Variants in NEK9 observed in about 807,000 individuals in gnomAD.
The protein encoded by NEK9 is serine/threonine-protein kinase Nek9.
Under a neutral mutation model 123.4 loss-of-function variants are expected in NEK9, and 75 were observed. That is an observed-to-expected ratio of 0.61 (90% CI 0.50 to 0.74). The LOEUF is 0.74. Ranked by LOEUF, NEK9 falls within the 30% of genes least tolerant of loss-of-function variation. The pLI, the probability that NEK9 is intolerant of heterozygous loss-of-function variation, is 0.00. For synonymous variants in NEK9, 438 were observed against 458.7 expected, an observed-to-expected ratio of 0.95 and a Z score of 0.58; for missense variants, 952 against 1,214.4, an observed-to-expected ratio of 0.78 and a Z score of 3.21.
At position 75,079,530 on chromosome 14, in the gene NEK9, T is replaced by C. The variant is rs544375528; in HGVS notation, c.*5034A>G. 14 of 152,354 alleles carry C rather than the reference T, an allele frequency of 9.2e-5. No individual in the cohort carries two copies. The South Asian group carries it at 1.0e-3, about 11-fold the overall frequency. 9.4% of individuals were successfully genotyped at this position (152,354 alleles called of 1,614,324 possible). A position where few individuals can be genotyped will look rare whatever the true frequency, so the allele number is the denominator to read the frequency against. On this transcript the variant is annotated 3_prime_UTR_variant, in exon 22 of 22. Transcript: ENST00000238616. ...TAAGTGGGAATGTAAACCAGTACATTGCAATAGATGGCAAGAGTAAGCTGT... is the reference window on the plus strand; with the variant it reads ...TAAGTGGGAATGTAAACCAGTACATCGCAATAGATGGCAAGAGTAAGCTGT...
intron 1 of NEK9, 143 bp downstream of exon 1, chr14:75,126,560 A>G: frequency 2.1e-6 from 1 of 486,348 alleles, no homozygotes; most frequent in Non-Finnish European, 3.4e-6. Context: ...GGTGAGTGGG[A>G]AGAGTGGTGA....
At chr14:75,108,126 T>A (rs1031950819) in intron 10 of NEK9, among the ~76,000 whole-genome samples, 3 of 135,880 alleles carry the variant, frequency 2.2e-5, no homozygotes, top group African/African-American at 8.4e-5. Flanking sequence ...ACTTTTCAAC[T>A]TTTTTTTTTT....
chr14:75,106,361 G>GAA (rs34426692), intron 12 of NEK9, 141 bp downstream of exon 12: 5,096 of 296,268 alleles, frequency 0.017, 1 homozygote, highest in East Asian at 0.037. Flanking sequence ...TCTGTCTCGA[G>GAA]AAAAAAAAAA....
At chr14:75,123,941 TAA>T in intron 2 of NEK9, 103 bp downstream of exon 2, 2 of 934,778 alleles carry the variant, frequency 2.1e-6, no homozygotes, top group Admixed American at 5.0e-5. Context: ...GAAATTCATT[TAA>T]AGTTTTTATC....
intron 18 of NEK9, 29 bp from the exon 19 acceptor site, chr14:75,091,507 A>G (rs777274471): frequency 6.7e-7 from 1 of 1,501,354 alleles, no homozygotes; most frequent in Non-Finnish European, 8.9e-7. Context: ...AGAAATAGAC[A>G]GCTTTGCTAT....
intron 13 of NEK9, among the ~76,000 whole-genome samples, chr14:75,105,336 C>CA (rs1189423233): frequency 1.3e-5 from 2 of 151,730 alleles, no homozygotes; most frequent in Admixed American, 1.3e-4. Flanking sequence ...ACAGAAAACC[C>CA]AAAACACTGC....
intron 5 of NEK9, among the ~76,000 whole-genome samples, chr14:75,117,584 T>C (rs1040116155): frequency 5.3e-5 from 8 of 152,196 alleles, no homozygotes; most frequent in Non-Finnish European, 1.0e-4. Flanking sequence ...AATAGCTCTG[T>C]GATTCCTAGA....
In NEK9 at chr14:75,106,556, CAT is replaced by C. The variant is rs1423955052; in HGVS notation, c.1472_1473del (p.His491ArgfsTer51). ...TCCTTGTTTCGTGTCAGAACCACCACATGATTATCTCCACAGGAGACCTGCTC... is the reference window on the plus strand; with the variant it reads ...TCCTTGTTTCGTGTCAGAACCACCACGATTATCTCCACAGGAGACCTGCTC... ...PVEQVSCGDN[H>X]VVVLTRNKEV... On this transcript the variant is annotated frameshift_variant, in exon 12 of 22. Transcript: ENST00000238616. LOFTEE classifies it high-confidence loss of function. The C allele has an allele frequency of 2.5e-6, 4 of 1,614,076 alleles. No homozygotes were observed. The highest frequency in any genetic ancestry group is 3.4e-6 in the Non-Finnish European group (4 of 1,180,024).
At chr14:75,101,468 A>G (rs1330560812) in intron 15 of NEK9, among the ~76,000 whole-genome samples, 189 bp downstream of exon 15, 1 of 152,264 alleles carries the variant, frequency 6.6e-6, no homozygotes, top group Admixed American at 6.5e-5. Context: ...TGGTGTTCTC[A>G]TAAAAGGATG....
chr14:75,084,901 G>T, intron 21 of NEK9: 1 of 495,944 alleles, frequency 2.0e-6, no homozygotes, highest in Admixed American at 3.3e-5. Context: ...ATCCAGGTTT[G>T]TCCAGGACTG....
intron 6 of NEK9, among the ~76,000 whole-genome samples, chr14:75,115,474 T>C (rs1482040722): frequency 6.6e-6 from 1 of 152,206 alleles, no homozygotes; most frequent in African/African-American, 2.4e-5. Flanking sequence ...GATGATATAC[T>C]AGAACAACCT....
Position 75,126,869 on chromosome 14 carries a change from A to G in NEK9, c.53T>C (p.Phe18Ser). The G allele has an allele frequency of 1.3e-6, 2 of 1,527,150 alleles. No homozygotes were observed. Among genetic ancestry groups the G allele is most frequent in the East Asian group, 2.7e-5 (1 of 37,622 alleles). The allele number at this position is 1,527,150 out of a possible 1,614,324, so 94.6% of individuals were successfully genotyped here. Residue 18 changes from phenylalanine (F) to serine (S), a missense_variant, in exon 1 of 22, where the codon TTT becomes TCT. Transcript: ENST00000238616. ...ERHCDSINSDFGSESGGCGDS... is the reference protein window; with the variant it reads ...ERHCDSINSDSGSESGGCGDS... ...CCCGCAACCCCCGGACTCGCTCCCA[A>G]AGTCCGAGTTGATGGAATCGCAGTG...
chr14:75,104,458 G>A (rs1220614971), intron 13 of NEK9, among the ~76,000 whole-genome samples: 2 of 150,084 alleles, frequency 1.3e-5, no homozygotes, highest in Non-Finnish European at 3.0e-5. Context: ...GAGCCATCAC[G>A]CCTGGCTGAG....
At chr14:75,085,435 T>C (rs1319220307) in intron 21 of NEK9, among the ~76,000 whole-genome samples, 1 of 152,226 alleles carries the variant, frequency 6.6e-6, no homozygotes, top group Non-Finnish European at 1.5e-5. Context: ...AGCTGGCAAA[T>C]GGCAAAGCCA....
chr14:75,094,670 C>G (rs1027988715), intron 18 of NEK9, among the ~76,000 whole-genome samples: 1 of 151,962 alleles, frequency 6.6e-6, no homozygotes, highest in Non-Finnish European at 1.5e-5. Flanking sequence ...ATCCCAGCTA[C>G]TTGGGAGGCT....
intron 2 of NEK9, among the ~76,000 whole-genome samples, chr14:75,122,323 G>A (rs573486548): frequency 6.6e-6 from 1 of 152,312 alleles, no homozygotes; most frequent in South Asian, 2.1e-4. Flanking sequence ...ATATACAAGA[G>A]TTTACACAAG....
intron 12 of NEK9, 119 bp downstream of exon 12, chr14:75,106,383 A>AG: frequency 1.3e-6 from 1 of 763,940 alleles, no homozygotes; most frequent in East Asian, 2.9e-5. Context: ...AAAAAAAAAA[A>AG]AAGATTTACT....
chr14:75,126,801 C>G lies in NEK9; in HGVS notation c.121G>C (p.Gly41Arg). 1 of 1,531,684 alleles carries G rather than the reference C, an allele frequency of 6.5e-7. No homozygotes were observed. The highest frequency in any genetic ancestry group is 1.4e-5 in the African/African-American group (1 of 70,192). 94.9% of individuals were successfully genotyped at this position (1,531,684 alleles called of 1,614,324 possible). A position where few individuals can be genotyped will look rare whatever the true frequency, so the allele number is the denominator to read the frequency against. ...GPSASQGPRAGGGAAEQEELH... is the reference protein window; with the variant it reads ...GPSASQGPRARGGAAEQEELH... ...TCCTCCTGCTCCGCCGCGCCGCCGC[C>G]GGCTCGCGGCCCCTGACTGGCGCTA... Residue 41 changes from glycine (G) to arginine (R), a missense_variant, in exon 1 of 22, where the codon GGC becomes CGC. Transcript: ENST00000238616.
chr14:75,084,360 C>T lies in NEK9; in HGVS notation c.*204G>A. 1 of 627,258 alleles carries T rather than the reference C, an allele frequency of 1.6e-6. No homozygotes were observed. The highest frequency in any genetic ancestry group is 2.8e-6 in the Non-Finnish European group (1 of 359,860). 38.9% of individuals were successfully genotyped at this position (627,258 alleles called of 1,614,324 possible). A position where few individuals can be genotyped will look rare whatever the true frequency, so the allele number is the denominator to read the frequency against. Reference sequence around the variant, plus strand: ...CCAGGGCCATGGGGGCCCTTCCATTCTCCAAAACAATAAAATCACTCCTAG... The same window carrying T: ...CCAGGGCCATGGGGGCCCTTCCATTTTCCAAAACAATAAAATCACTCCTAG... On this transcript the variant is annotated 3_prime_UTR_variant, in exon 22 of 22. Transcript: ENST00000238616.
Sources: allele counts gnomAD v4.1 joint callset (sites outside exome capture counted in the v4.1 genomes callset), GRCh38; gene constraint gnomAD v4.1.1; transcripts MANE v1.5; gene names NCBI Gene and HGNC (gene_info 2026-07-23, HGNC 2026-07-21).